Variants in GREM2 observed in about 807,000 individuals in gnomAD.
The protein encoded by GREM2 is gremlin 2, DAN family BMP antagonist, also known as gremlin-2.
GREM2 carries 11 observed loss-of-function variants against 14.2 expected under a neutral mutation model. That is an observed-to-expected ratio of 0.78 (90% CI 0.49 to 1.28). GREM2 has a LOEUF of 1.28. Among genes scored for constraint, GREM2 ranks in the 50% most tolerant of loss-of-function variants. The pLI is 0.00. For missense variants in GREM2, 210 were observed against 218.5 expected, an observed-to-expected ratio of 0.96 and a Z score of 0.24; for synonymous variants, 98 against 97.6, an observed-to-expected ratio of 1.00 and a Z score of -0.02.
At chr1:240,518,813 A>C (rs1228703084) in intron 1 of GREM2, among the ~76,000 whole-genome samples, 2 of 152,230 alleles carry the variant, frequency 1.3e-5, no homozygotes, top group Admixed American at 6.5e-5. Context: ...TGGTGCTACC[A>C]AACATCACTA....
At chr1:240,547,520 T>G (rs867013581) in intron 1 of GREM2, among the ~76,000 whole-genome samples, 1 of 111,290 alleles carries the variant, frequency 9.0e-6, no homozygotes, top group East Asian at 2.6e-4. Flanking sequence ...AAAAAATATA[T>G]ATATATATAT....
intron 1 of GREM2, among the ~76,000 whole-genome samples, chr1:240,587,560 G>C (rs1174045653): frequency 6.6e-6 from 1 of 152,048 alleles, no homozygotes; most frequent in Non-Finnish European, 1.5e-5. Context: ...GGGCTCAAGT[G>C]ATCCACCTGC....
At position 240,543,480 on chromosome 1, in the gene GREM2, A is replaced by G. The variant is rs1678646954; in HGVS notation, c.-1-50004T>C. Among the ~76,000 whole-genome samples, 1 of 152,136 alleles carries G rather than the reference A, an allele frequency of 6.6e-6. No individual in the cohort carries two copies. Among genetic ancestry groups the G allele is most frequent in the Admixed American group, 6.5e-5 (1 of 15,280 alleles). ...TCAGATCTGGTGAGACTTATTCACT[A>G]CCATGATAACAGTAGGGGGGAAACC... On this transcript the variant is annotated intron_variant, in intron 1 of 1. Transcript: ENST00000318160. The surrounding 1 kb of genome is among the most constrained non-coding windows in gnomAD (Gnocchi z 6.4).
chr1:240,574,758 C>T (rs1679327541), intron 1 of GREM2, among the ~76,000 whole-genome samples: 1 of 152,010 alleles, frequency 6.6e-6, no homozygotes, highest in Non-Finnish European at 1.5e-5. Context: ...TGGACACACA[C>T]AGGAGTTCTC....
intron 1 of GREM2, among the ~76,000 whole-genome samples, chr1:240,512,816 T>C (rs1286373375): frequency 2.0e-5 from 3 of 152,140 alleles, no homozygotes; most frequent in Admixed American, 6.6e-5. Context: ...GCCCTGATAG[T>C]AGTAGAAATT....
chr1:240,578,165 G>A (rs1204204792), intron 1 of GREM2, among the ~76,000 whole-genome samples: 1 of 151,992 alleles, frequency 6.6e-6, no homozygotes, highest in South Asian at 2.1e-4. Context: ...TCACTCTGTT[G>A]CCCAGGCTGG....
At chr1:240,531,108 A>G (rs1456554226) in intron 1 of GREM2, among the ~76,000 whole-genome samples, 2 of 152,232 alleles carry the variant, frequency 1.3e-5, no homozygotes, top group African/African-American at 4.8e-5. Context: ...CAAAATACTC[A>G]TGGAATTAGA....
intron 1 of GREM2, among the ~76,000 whole-genome samples, chr1:240,537,564 C>T (rs967230165): frequency 2.0e-5 from 3 of 152,104 alleles, no homozygotes; most frequent in Non-Finnish European, 4.4e-5. Flanking sequence ...GTGGGTGGAT[C>T]ACCTGAGGTC....
intron 1 of GREM2, among the ~76,000 whole-genome samples, chr1:240,545,868 C>A (rs980993327): frequency 6.6e-6 from 1 of 152,154 alleles, no homozygotes; most frequent in South Asian, 2.1e-4. Context: ...ATCCGGAGCA[C>A]CCCTGCTTTG....
At chr1:240,503,361 A>C (rs886830476) in intron 1 of GREM2, among the ~76,000 whole-genome samples, 1 of 152,136 alleles carries the variant, frequency 6.6e-6, no homozygotes, top group Admixed American at 6.5e-5. Context: ...TCATCATCTG[A>C]ACATTGTGTT....
At chr1:240,516,135 T>TC (rs1014802653) in intron 1 of GREM2, among the ~76,000 whole-genome samples, 3 of 151,414 alleles carry the variant, frequency 2.0e-5, no homozygotes, top group African/African-American at 7.3e-5. Flanking sequence ...GACTTTTTTT[T>TC]TTTTTTTAAG....
At chr1:240,544,124 T>C (rs895238261) in intron 1 of GREM2, among the ~76,000 whole-genome samples, 22 of 151,416 alleles carry the variant, frequency 1.5e-4, no homozygotes, top group African/African-American at 4.9e-4. Flanking sequence ...AGAAAGACTG[T>C]GCATAGATTA....
intron 1 of GREM2, among the ~76,000 whole-genome samples, chr1:240,495,784 T>G (rs1229515130): frequency 6.6e-6 from 1 of 152,296 alleles, no homozygotes; most frequent in East Asian, 1.9e-4. Flanking sequence ...TGAGTCTTAG[T>G]CTAAGTCTAA....
At chr1:240,592,857 G>A (rs1295362920) in intron 1 of GREM2, among the ~76,000 whole-genome samples, 1 of 151,988 alleles carries the variant, frequency 6.6e-6, no homozygotes, top group African/African-American at 2.4e-5. Context: ...ATCTTGGCCG[G>A]GCACGGTGGC....
In GREM2 at chr1:240,555,192, A is replaced by G. The variant is rs993544333; in HGVS notation, c.-2+56692T>C. 2.1e-4 allele frequency among the ~76,000 whole-genome samples: 32 copies of G among 152,064 alleles called. 1 individual carries two copies. Among genetic ancestry groups the G allele is most frequent in the Admixed American group, 3.9e-4 (6 of 15,248 alleles). ...AAAGAAAGAAAAAAGAATTGTGACC[A>G]TATTCTGGGAGGCCTTATTTTGTAA... is the stretch of plus-strand genomic sequence containing the variant. On this transcript the variant is annotated intron_variant, in intron 1 of 1. Transcript: ENST00000318160.
At chr1:240,560,818 A>T (rs1679022888) in intron 1 of GREM2, among the ~76,000 whole-genome samples, 1 of 152,102 alleles carries the variant, frequency 6.6e-6, no homozygotes, top group South Asian at 2.1e-4. Context: ...CTCCTCCCTG[A>T]TCCCAAATTA....
intron 1 of GREM2, among the ~76,000 whole-genome samples, chr1:240,554,507 T>G (rs2103342115): frequency 6.6e-6 from 1 of 152,294 alleles, no homozygotes; most frequent in South Asian, 2.1e-4. Context: ...CTACATTATT[T>G]GGTTGTAATA....
At position 240,492,918 on chromosome 1, in the gene GREM2, G is replaced by A. The variant is rs769899862; in HGVS notation, c.*51C>T. 3.7e-6 allele frequency: 5 copies of A among 1,351,926 alleles called. No individual in the cohort carries two copies. Among genetic ancestry groups the A allele is most frequent in the Non-Finnish European group, 4.8e-6 (5 of 1,050,766 alleles). 83.7% of individuals were successfully genotyped at this position (1,351,926 alleles called of 1,614,324 possible). A position where few individuals can be genotyped will look rare whatever the true frequency, so the allele number is the denominator to read the frequency against. ...GGGCAGGGACAGAGGCGGCGGCGGCGCCACCCAGCGGCCGGGCGCGCGCGG... is the reference window on the plus strand; with the variant it reads ...GGGCAGGGACAGAGGCGGCGGCGGCACCACCCAGCGGCCGGGCGCGCGCGG... On this transcript the variant is annotated 3_prime_UTR_variant, in exon 2 of 2. Transcript: ENST00000318160.
Position 240,540,839 on chromosome 1 carries a change from G to A in GREM2, c.-1-47363C>T, listed in dbSNP as rs886963457. ...GCCTCCCAAAGTGCTGGGATTACAG[G>A]TGTGAGCCACCACGCCAGGCCGCAT... On this transcript the variant is annotated intron_variant, in intron 1 of 1. Transcript: ENST00000318160. The surrounding 1 kb of genome is among the most constrained non-coding windows in gnomAD (Gnocchi z 4.2). Among the ~76,000 whole-genome samples the A allele has an allele frequency of 1.2e-4, 19 of 152,138 alleles. No individual in the cohort carries two copies. Among genetic ancestry groups the A allele is most frequent in the African/African-American group, 4.6e-4 (19 of 41,426 alleles).
Sources: gnomAD v4.1 joint callset for allele counts (sites outside exome capture counted in the v4.1 genomes callset) on GRCh38, gnomAD v4.1.1 for gene constraint, Gnocchi (gnomAD v3.1) non-coding constraint, MANE v1.5 for transcripts, NCBI Gene and HGNC (gene_info 2026-07-23, HGNC 2026-07-21) for gene names.